The following LTBP2 variants were observed in gnomAD, a reference collection of about 807,000 sequenced individuals.
LTBP2 encodes the protein latent-transforming growth factor beta-binding protein 2.
In LTBP2, 103 loss-of-function variants were observed where a neutral mutation model predicts 210.6. The ratio of observed to expected loss-of-function variants is 0.49; its 90% CI spans 0.42 to 0.58. The LOEUF (loss-of-function observed/expected upper bound fraction) is 0.58. Ranked by LOEUF, LTBP2 falls within the 20% of genes least tolerant of loss-of-function variation. The pLI, the probability that LTBP2 is intolerant of heterozygous loss-of-function variation, is 0.00. For missense variants in LTBP2, 2,313 were observed against 2,494.5 expected (o/e 0.93, Z 1.55); for synonymous variants, 1,007 against 1,015.0 (o/e 0.99, Z 0.15).
intron 2 of LTBP2, among the ~76,000 whole-genome samples, chr14:74,588,016 G>T (rs1347731289): frequency 6.6e-6 from 1 of 152,174 alleles, no homozygotes; most frequent in Admixed American, 6.5e-5. Flanking sequence ...CTCTGTCTTT[G>T]CATGTGCTAT....
intron 3 of LTBP2, among the ~76,000 whole-genome samples, chr14:74,564,173 ATT>A (rs2087850177): frequency 2.2e-5 from 1 of 44,812 alleles, no homozygotes; most frequent in Non-Finnish European, 3.6e-5. Flanking sequence ...TTATATATAT[ATT>A]TATATATATA....
rs1595241571 is a variant in LTBP2, at chr14:74,507,979, A to C, written c.3769T>G (p.Cys1257Gly). 1.2e-6 allele frequency: 2 copies of C among 1,612,934 alleles called. No individual in the cohort carries two copies. Among genetic ancestry groups the C allele is most frequent in the African/African-American group, 2.7e-5 (2 of 74,900 alleles). The change falls in exon 25 of 36, where the codon TGT becomes GGT. Residue 1257 changes from cysteine (C) to glycine (G), a missense_variant. Cys to Gly is a radical substitution (Grantham distance 159, BLOSUM62 -3). Transcript: ENST00000261978. Reference protein sequence around the residue: ...GFQPSPESGECVDIDECEDYG... With the variant: ...GFQPSPESGEGVDIDECEDYG... ...CTCCCCCCAGAGCCCTTACCCACAC[A>C]CTCTCCACTCTCTGGGGAGGGCTGG...
intron 9 of LTBP2, 127 bp from the exon 10 acceptor site, chr14:74,532,675 G>A (rs2087367323): frequency 9.4e-7 from 1 of 1,066,890 alleles, no homozygotes; most frequent in African/African-American, 1.6e-5. Flanking sequence ...TATGTATTCA[G>A]TGGGATTCCT....
chr14:74,504,990 C>T lies in LTBP2; in HGVS notation c.4362G>A (p.Glu1454=). 2 of 1,614,208 alleles carry T rather than the reference C, an allele frequency of 1.2e-6. No homozygotes were observed. Among genetic ancestry groups the T allele is most frequent in the Non-Finnish European group, 1.7e-6 (2 of 1,180,040 alleles). The change falls in exon 29 of 36, where the codon GAG becomes GAA. Residue 1454 remains glutamate, a synonymous_variant. Coordinates refer to ENST00000261978, the MANE Select transcript of LTBP2 (RefSeq NM_000428.3). ...GAACCCTTGGGGTCTTACCTGAGTCCTCAGACGGGCAGAGGTCACAGGCAT... is the reference window on the plus strand; with the variant it reads ...GAACCCTTGGGGTCTTACCTGAGTCTTCAGACGGGCAGAGGTCACAGGCAT... ...WGDACDLCPS[E]DSAEFSEICP...
chr14:74,527,253 C>T, intron 13 of LTBP2, 94 bp downstream of exon 13: 1 of 1,445,612 alleles, frequency 6.9e-7, no homozygotes, highest in Non-Finnish European at 9.5e-7. Flanking sequence ...CTCCCTCTCC[C>T]TCCCTCATGA....
chr14:74,540,632 G>A (rs1319693019), intron 8 of LTBP2, among the ~76,000 whole-genome samples: 5 of 149,012 alleles, frequency 3.4e-5, no homozygotes, highest in Non-Finnish European at 7.4e-5. Flanking sequence ...GGATGTGGTG[G>A]CGGGTGCCTG....
At chr14:74,511,834 C>T (rs1179472725) in intron 18 of LTBP2, among the ~76,000 whole-genome samples, 2 of 152,204 alleles carry the variant, frequency 1.3e-5, no homozygotes, top group African/African-American at 4.8e-5. Flanking sequence ...GAAATGAGGA[C>T]CATGGAGGAA....
In LTBP2 at chr14:74,506,135, C is replaced by T. The variant is rs750392690; in HGVS notation, c.4090G>A (p.Val1364Met). ...CAGAGGCACAGGAAGGAGCCCTCCACGTTCTCACAGAGCGCGGCCCCACAT... is the reference window on the plus strand; with the variant it reads ...CAGAGGCACAGGAAGGAGCCCTCCATGTTCTCACAGAGCGCGGCCCCACAT... ...AVCGAALCENVEGSFLCLCAS... is the reference protein window; with the variant it reads ...AVCGAALCENMEGSFLCLCAS... Residue 1364 changes from valine to methionine, a missense_variant, in exon 28 of 36, where the codon GTG becomes ATG. Coordinates refer to ENST00000261978, the MANE Select transcript of LTBP2 (RefSeq NM_000428.3). The T allele has an allele frequency of 1.7e-5, 28 of 1,614,242 alleles. No homozygotes were observed. The highest frequency in any genetic ancestry group is 3.3e-4 in the Middle Eastern group (2 of 6,062).
At chr14:74,597,353 A>C (rs1340553845) in intron 2 of LTBP2, among the ~76,000 whole-genome samples, 2 of 152,168 alleles carry the variant, frequency 1.3e-5, no homozygotes, top group Admixed American at 6.5e-5. Flanking sequence ...AGGTCTGGGG[A>C]AAGTCCTGGG....
At chr14:74,585,463 C>T (rs888979389) in intron 3 of LTBP2, among the ~76,000 whole-genome samples, 5 of 152,134 alleles carry the variant, frequency 3.3e-5, no homozygotes, top group South Asian at 2.1e-4. Flanking sequence ...TATCATTGTC[C>T]CACCTTACTG....
chr14:74,506,667 C>T (rs1474412744), intron 27 of LTBP2, 31 bp downstream of exon 27: 1 of 1,611,460 alleles, frequency 6.2e-7, no homozygotes, highest in Non-Finnish European at 8.5e-7. Context: ...CTTCCCTGGC[C>T]CAGACCTTGG....
chr14:74,566,113 A>G (rs998221607), intron 3 of LTBP2, among the ~76,000 whole-genome samples: 4 of 151,994 alleles, frequency 2.6e-5, no homozygotes, highest in Non-Finnish European at 5.9e-5. Context: ...GACAATCGTC[A>G]TAGTTTCTGC....
intron 17 of LTBP2, among the ~76,000 whole-genome samples, chr14:74,519,765 A>C (rs2087179030): frequency 6.6e-6 from 1 of 152,088 alleles, no homozygotes; most frequent in South Asian, 2.1e-4. Context: ...ACGGTGGCAG[A>C]AACTTGTGTC....
chr14:74,601,484 C>T (rs1024254766), intron 2 of LTBP2, among the ~76,000 whole-genome samples: 3 of 152,236 alleles, frequency 2.0e-5, no homozygotes, highest in Admixed American at 1.3e-4. Context: ...TGAGCCGCCC[C>T]CAGGCATCCA....
chr14:74,535,147 C>T (rs2087402767), intron 9 of LTBP2, among the ~76,000 whole-genome samples: 1 of 152,120 alleles, frequency 6.6e-6, no homozygotes, highest in Non-Finnish European at 1.5e-5. Flanking sequence ...GGCCCCAGCA[C>T]CTTTGCTTAT....
At chr14:74,502,019 C>T (rs1595235813) in intron 34 of LTBP2, 3 of 307,816 alleles carry the variant, frequency 9.7e-6, no homozygotes, top group South Asian at 3.2e-5. Flanking sequence ...CAACACAAAG[C>T]AAAACATTGA....
In LTBP2 at chr14:74,549,915, A is replaced by T; in HGVS notation, c.1737T>A (p.Ser579Arg). 6.2e-7 allele frequency: 1 copy of T among 1,614,122 alleles called. No individual in the cohort carries two copies. Residue 579 changes from serine to arginine, a missense_variant, in exon 8 of 36, where the codon AGT becomes AGA. By Grantham distance (110) the Ser-to-Arg change is moderately radical (BLOSUM62 -1). Coordinates refer to ENST00000261978, the MANE Select transcript of LTBP2 (RefSeq NM_000428.3). Reference protein sequence around the residue: ...ELTTQEDCCGSVGAFWGVTLC... With the variant: ...ELTTQEDCCGRVGAFWGVTLC... ...AAGTCACCCCCCAGAAGGCTCCCAC[A>T]CTGCCACAGCAGTCCTCCTGGGTAG...
At position 74,521,984 on chromosome 14, in the gene LTBP2, G is replaced by A. The variant is rs7145480; in HGVS notation, c.2715C>T (p.Arg905=). 50,899 of 1,614,088 alleles carry A rather than the reference G, an allele frequency of 0.032. 993 individuals carry two copies. Among genetic ancestry groups the A allele is most frequent in the Non-Finnish European group, 0.037 (43,993 of 1,179,936 alleles). The change falls in exon 17 of 36, where the codon CGC becomes CGT. Residue 905 remains arginine, a synonymous_variant. Coordinates refer to ENST00000261978, the MANE Select transcript of LTBP2 (RefSeq NM_000428.3). ...PCKGKGRCIN[R]VGSYSCFCYP... The stretch of plus-strand genomic sequence containing the variant: ...AGCAGAAGCAGGAGTAGGACCCCAC[G>A]CGGTTGATGCAGCGCCCTTTTCCCT...
chr14:74,528,573 T>G lies in LTBP2; in HGVS notation c.2278A>C (p.Ser760Arg). Residue 760 changes from serine (S) to arginine (R), a missense_variant, in exon 12 of 36, where the codon AGC becomes CGC. Coordinates refer to ENST00000261978, the MANE Select transcript of LTBP2 (RefSeq NM_000428.3). ...ARPPREQGQRSSGALPGPAER... is the reference protein window; with the variant it reads ...ARPPREQGQRRSGALPGPAER... ...GCTGGCCCGGGCAGTGCCCCGCTGCTCCTCTGCCCTTGCTCCCTTGGGGGC... is the reference window on the plus strand; with the variant it reads ...GCTGGCCCGGGCAGTGCCCCGCTGCGCCTCTGCCCTTGCTCCCTTGGGGGC... The G allele has an allele frequency of 6.2e-7, 1 of 1,613,428 alleles. No homozygotes were observed. Among genetic ancestry groups the G allele is most frequent in the Non-Finnish European group, 8.5e-7 (1 of 1,180,040 alleles).
Sources: allele counts gnomAD v4.1 joint callset (sites outside exome capture counted in the v4.1 genomes callset), GRCh38; gene constraint gnomAD v4.1.1; transcripts MANE v1.5; gene names NCBI Gene and HGNC (gene_info 2026-07-23, HGNC 2026-07-21).